Variants in SMARCC1 observed in about 807,000 individuals in gnomAD.
The protein encoded by SMARCC1 is SWI/SNF complex subunit SMARCC1.
A neutral mutation model predicts 147.4 loss-of-function variants in SMARCC1; 43 were observed. The observed-to-expected ratio is 0.29, with a 90% confidence interval of 0.23 to 0.38. The LOEUF (loss-of-function observed/expected upper bound fraction) is 0.38. SMARCC1 is among the 10% of genes least tolerant of loss of function. The pLI is 1.00. For missense variants in SMARCC1, 1,119 were observed against 1,381.1 expected, an observed-to-expected ratio of 0.81 and a Z score of 3.01; for synonymous variants, 495 against 484.4, an observed-to-expected ratio of 1.02 and a Z score of -0.29.
intron 18 of SMARCC1, among the ~76,000 whole-genome samples, chr3:47,674,587 A>AATTAAGC (rs1216798986): frequency 6.6e-6 from 1 of 152,144 alleles, no homozygotes; most frequent in East Asian, 1.9e-4. Context: ...GTTTTTAAGA[A>AATTAAGC]ATTAAGCATA....
chr3:47,586,366 C>T lies in SMARCC1; in HGVS notation c.*1843G>A, dbSNP rs1365555346. 2.6e-5 allele frequency: 4 copies of T among 152,326 alleles called. No homozygotes were observed. In the East Asian group the frequency reaches 5.8e-4, roughly 22 times the overall value. 9.4% of individuals were successfully genotyped at this position (152,326 alleles called of 1,614,324 possible). ...AAGTAGGTAAAACCCTGGCCATTGT[C>T]AAAAGGCACTGGGGTCTTTCTGGAG... On this transcript the variant is annotated 3_prime_UTR_variant, in exon 28 of 28. Coordinates refer to ENST00000254480, the MANE Select transcript of SMARCC1 (RefSeq NM_003074.4).
intron 3 of SMARCC1, among the ~76,000 whole-genome samples, chr3:47,741,648 A>G (rs1257172289): frequency 6.6e-6 from 1 of 151,456 alleles, no homozygotes; most frequent in Non-Finnish European, 1.5e-5. Context: ...TAACAAATAT[A>G]TTTTCCTTTC....
At chr3:47,776,714 T>C (rs2106881247) in intron 1 of SMARCC1, among the ~76,000 whole-genome samples, 1 of 152,186 alleles carries the variant, frequency 6.6e-6, no homozygotes, top group East Asian at 1.9e-4. Context: ...AAATCAACAT[T>C]TCAGGTAAAT....
In SMARCC1 at chr3:47,738,073, G is replaced by A. The variant is rs755096409; in HGVS notation, c.439C>T (p.Arg147Cys). ...FDLQNPSRMDRNVEMFMNIEK... is the reference protein window; with the variant it reads ...FDLQNPSRMDCNVEMFMNIEK... The stretch of plus-strand genomic sequence containing the variant: ...ATGTTCATAAACATTTCCACATTAC[G>A]ATCCATTCGAGATGGGTTCTGTAGG... Residue 147 changes from arginine to cysteine, a missense_variant, in exon 4 of 28, where the codon CGT (arginine) becomes TGT (cysteine). By Grantham distance (180) the Arg-to-Cys change is radical. Coordinates refer to ENST00000254480, the MANE Select transcript of SMARCC1 (RefSeq NM_003074.4). The A allele has an allele frequency of 1.3e-6, 2 of 1,594,690 alleles. No individual in the cohort carries two copies. The highest frequency in any genetic ancestry group is 1.7e-5 in the Admixed American group (1 of 57,538).
intron 21 of SMARCC1, among the ~76,000 whole-genome samples, chr3:47,650,367 A>C (rs976389883): frequency 6.6e-6 from 1 of 150,740 alleles, no homozygotes; most frequent in Non-Finnish European, 1.5e-5. Context: ...TAAATATCAA[A>C]AAGTTGAACC....
chr3:47,721,991 C>G (rs2034237978), intron 6 of SMARCC1, among the ~76,000 whole-genome samples: 2 of 152,132 alleles, frequency 1.3e-5, no homozygotes, highest in African/African-American at 2.4e-5. Context: ...TCTTGCACTT[C>G]AGGCTGGGCA....
intron 5 of SMARCC1, 124 bp downstream of exon 5, chr3:47,735,909 AT>A: frequency 2.1e-6 from 1 of 484,698 alleles, no homozygotes; most frequent in Non-Finnish European, 3.6e-6. Flanking sequence ...CAAGAAAAAA[AT>A]TTCTTTTGAT....
chr3:47,605,026 C>G (rs534571824), intron 26 of SMARCC1, among the ~76,000 whole-genome samples: 331 of 152,286 alleles, frequency 2.2e-3, no homozygotes, highest in African/African-American at 7.6e-3. Flanking sequence ...TTTAATTTTA[C>G]TCTTTAACAG....
chr3:47,636,788 ATGTGTGTGTGTGTG>A (rs35445330), intron 22 of SMARCC1, among the ~76,000 whole-genome samples: 1,234 of 80,654 alleles, frequency 0.015, 11 homozygotes, highest in Middle Eastern at 0.035. Context: ...AAATATATAT[ATGTGTGTGTGTGTG>A]TGTGTGTGTG....
intron 19 of SMARCC1, among the ~76,000 whole-genome samples, chr3:47,665,711 A>T (rs190599417): frequency 6.6e-6 from 1 of 152,326 alleles, no homozygotes; most frequent in African/African-American, 2.4e-5. Flanking sequence ...TAATGCGGTG[A>T]CACACTGGCC....
At chr3:47,706,374 T>G in intron 10 of SMARCC1, 35 bp downstream of exon 10, 3 of 1,479,166 alleles carry the variant, frequency 2.0e-6, no homozygotes, top group Non-Finnish European at 2.7e-6. Flanking sequence ...GTCCGGCCTG[T>G]TTTAATGCCC....
chr3:47,595,756 C>T (rs1262013245), intron 26 of SMARCC1, among the ~76,000 whole-genome samples: 3 of 141,876 alleles, frequency 2.1e-5, no homozygotes, highest in Non-Finnish European at 3.0e-5. Context: ...TTTTTTGAGA[C>T]GGGAGTCTCA....
At position 47,588,170 on chromosome 3, in the gene SMARCC1, T is replaced by G. The variant is rs1318216159; in HGVS notation, c.*39A>C. The stretch of plus-strand genomic sequence containing the variant: ...CAAGTCTTGTCATCCCCACTCCAGC[T>G]CATGGTGGTGGGCGTGGAGGTTCCC... On this transcript the variant is annotated 3_prime_UTR_variant, in exon 28 of 28. Coordinates refer to ENST00000254480, the MANE Select transcript of SMARCC1 (RefSeq NM_003074.4). 2 of 1,471,788 alleles carry G rather than the reference T, an allele frequency of 1.4e-6. No individual in the cohort carries two copies. The allele number at this position is 1,471,788 out of a possible 1,614,324, so 91.2% of individuals were successfully genotyped here. A position where few individuals can be genotyped will look rare whatever the true frequency, so the allele number is the denominator to read the frequency against.
At chr3:47,699,933 C>T (rs2033897302) in intron 11 of SMARCC1, among the ~76,000 whole-genome samples, 1 of 151,762 alleles carries the variant, frequency 6.6e-6, no homozygotes, top group African/African-American at 2.4e-5. Context: ...TCTTTTCTGT[C>T]TGTCACTGTA....
Position 47,748,897 on chromosome 3 carries a change from T to C in SMARCC1, c.316-2904A>G, listed in dbSNP as rs545051951. Among the ~76,000 whole-genome samples the C allele has an allele frequency of 2.3e-3, 357 of 152,258 alleles. 1 individual carries two copies. The highest frequency in any genetic ancestry group is 4.6e-3 in the Non-Finnish European group (310 of 68,016). On this transcript the variant is annotated intron_variant, in intron 2 of 27. Coordinates refer to ENST00000254480, the MANE Select transcript of SMARCC1 (RefSeq NM_003074.4). ...TGTTTAATAGATACAGAAGTGAGCA[T>C]AGTTTCTCCATCCCATAATCCCAAA...
At chr3:47,778,506 C>T (rs76586476) in intron 1 of SMARCC1, among the ~76,000 whole-genome samples, 2,512 of 152,022 alleles carry the variant, frequency 0.017, 63 homozygotes, top group African/African-American at 0.048. Flanking sequence ...TGTTTTGAGA[C>T]AGGGTCTCAT....
chr3:47,719,190 A>T (rs1192620399), intron 7 of SMARCC1, among the ~76,000 whole-genome samples: 1 of 152,126 alleles, frequency 6.6e-6, no homozygotes, highest in South Asian at 2.1e-4. Flanking sequence ...CTGGGATTAC[A>T]GGTGTGAGCC....
intron 24 of SMARCC1, among the ~76,000 whole-genome samples, chr3:47,623,347 T>G (rs1009052196): frequency 6.6e-6 from 1 of 152,110 alleles, no homozygotes; most frequent in Admixed American, 6.5e-5. Flanking sequence ...TTTACTGATC[T>G]CTTAATGATC....
At chr3:47,705,557 G>A (rs1178546548) in intron 10 of SMARCC1, among the ~76,000 whole-genome samples, 3 of 152,066 alleles carry the variant, frequency 2.0e-5, no homozygotes, top group African/African-American at 7.2e-5. Flanking sequence ...TACCCTTCAG[G>A]AAATAATACG....
Sources: allele counts gnomAD v4.1 joint callset (sites outside exome capture counted in the v4.1 genomes callset), GRCh38; gene constraint gnomAD v4.1.1; transcripts MANE v1.5; gene names NCBI Gene and HGNC (gene_info 2026-07-23, HGNC 2026-07-21).